CLEC16A: variants seen among roughly 807,000 people sequenced by gnomAD.
CLEC16A encodes the protein C-type lectin domain containing 16A.
CLEC16A carries 51 observed loss-of-function variants against 109.5 expected under a neutral mutation model. The ratio of observed to expected loss-of-function variants is 0.47; its 90% CI spans 0.37 to 0.59. The LOEUF (loss-of-function observed/expected upper bound fraction) is 0.59. Among genes scored for constraint, CLEC16A ranks in the 20% least tolerant of loss-of-function variants. The pLI is 0.00. For synonymous variants in CLEC16A, 673 were observed against 564.2 expected (o/e 1.19, Z -2.73); for missense variants, 1,339 against 1,394.0 (o/e 0.96, Z 0.63).
rs2068666528 is a variant in CLEC16A at position 11,174,545 on chromosome 16, A to G, written c.2807-3790A>G. Among the ~76,000 whole-genome samples the G allele has an allele frequency of 6.6e-6, 1 of 152,194 alleles. No homozygotes were observed. Among genetic ancestry groups the G allele is most frequent in the Non-Finnish European group, 1.5e-5 (1 of 68,046 alleles). On this transcript the variant is annotated intron_variant, in intron 23 of 23. Transcript: ENST00000409790. The surrounding 1 kb of genome is among the most constrained non-coding windows in gnomAD (Gnocchi z 4.7). ...CAGTCCTTCTGAGCCAGACCTGTAC[A>G]GCCTGGAAACGCTGTCCTTCTCTGT... is the stretch of plus-strand genomic sequence containing the variant.
At chr16:10,971,608 CT>C in intron 5 of CLEC16A, 2 of 790,436 alleles carry the variant, frequency 2.5e-6, no homozygotes, top group South Asian at 5.8e-5. Context: ...GGTAATTTGA[CT>C]TTTAAGTAAT....
intron 19 of CLEC16A, among the ~76,000 whole-genome samples, chr16:11,064,375 G>A (rs2160042): frequency 0.14 from 20,641 of 152,210 alleles, 1,407 homozygotes; most frequent in African/African-American, 0.15. Context: ...GCTGCCGCCC[G>A]GGTCTTGTTG....
intron 10 of CLEC16A, among the ~76,000 whole-genome samples, chr16:11,002,436 A>G (rs1437903317): frequency 3.9e-5 from 6 of 152,220 alleles, no homozygotes; most frequent in Non-Finnish European, 8.8e-5. Flanking sequence ...GATGTTAATA[A>G]TGGGCATAAT....
At chr16:10,984,590 G>C (rs2043515452) in intron 10 of CLEC16A, among the ~76,000 whole-genome samples, 1 of 152,226 alleles carries the variant, frequency 6.6e-6, no homozygotes, top group Non-Finnish European at 1.5e-5. Flanking sequence ...TTTGGTGAGA[G>C]GCTTTGGCCT....
At chr16:11,043,301 T>A (rs1597175016) in intron 15 of CLEC16A, among the ~76,000 whole-genome samples, 1 of 152,098 alleles carries the variant, frequency 6.6e-6, no homozygotes, top group Non-Finnish European at 1.5e-5. Context: ...CCCCAGCTAC[T>A]CAGAAGGCTG....
At chr16:11,082,558 T>C (rs2049783749) in intron 19 of CLEC16A, among the ~76,000 whole-genome samples, 1 of 152,180 alleles carries the variant, frequency 6.6e-6, no homozygotes, top group Non-Finnish European at 1.5e-5. Flanking sequence ...GAATTGGGAA[T>C]GAGTGGTGTG....
chr16:10,977,891 A>T (rs1261186129), intron 8 of CLEC16A, among the ~76,000 whole-genome samples: 2 of 151,752 alleles, frequency 1.3e-5, no homozygotes, highest in Non-Finnish European at 2.9e-5. Context: ...ACAGAGACAG[A>T]GTGTGTGTGT....
intron 22 of CLEC16A, among the ~76,000 whole-genome samples, chr16:11,164,693 C>T (rs566956593): frequency 3.9e-5 from 6 of 152,356 alleles, no homozygotes; most frequent in African/African-American, 9.6e-5. Flanking sequence ...CTCAACTCTG[C>T]CGCTGATCGA....
chr16:11,008,055 C>G (rs1420251805), intron 11 of CLEC16A, among the ~76,000 whole-genome samples: 1 of 152,172 alleles, frequency 6.6e-6, no homozygotes, highest in African/African-American at 2.4e-5. Flanking sequence ...GCCCCCAGTA[C>G]TTAGAGCACT....
intron 22 of CLEC16A, among the ~76,000 whole-genome samples, chr16:11,141,008 G>A (rs977329063): frequency 7.2e-5 from 11 of 152,174 alleles, no homozygotes; most frequent in African/African-American, 2.7e-4. Flanking sequence ...GTGTCATAAT[G>A]GCCACTGCTG....
chr16:11,128,433 T>C (rs1339412485), intron 22 of CLEC16A, among the ~76,000 whole-genome samples: 1 of 152,102 alleles, frequency 6.6e-6, no homozygotes, highest in Non-Finnish European at 1.5e-5. Flanking sequence ...GGTCCCAGGG[T>C]CAGCAAGTGT....
intron 22 of CLEC16A, among the ~76,000 whole-genome samples, chr16:11,144,847 C>T (rs958705656): frequency 5.3e-5 from 8 of 152,112 alleles, no homozygotes; most frequent in African/African-American, 1.9e-4. Flanking sequence ...GAGGCCAATT[C>T]CACAAAGCTT....
intron 23 of CLEC16A, among the ~76,000 whole-genome samples, chr16:11,168,090 C>G (rs891807971): frequency 6.6e-6 from 1 of 152,194 alleles, no homozygotes; most frequent in Admixed American, 6.5e-5. Context: ...CCATATACTT[C>G]TTTGCCTAAA....
At chr16:11,150,206 C>T (rs2054240204) in intron 22 of CLEC16A, 1 of 152,172 alleles carries the variant, frequency 6.6e-6, no homozygotes, top group Admixed American at 6.5e-5. Context: ...CCTAAAGATT[C>T]TAAATTCCAA....
chr16:11,075,394 GTGTGTGTGTGTGTGTGTC>G (rs1436619135), intron 19 of CLEC16A, among the ~76,000 whole-genome samples: 3 of 132,262 alleles, frequency 2.3e-5, no homozygotes, highest in East Asian at 2.1e-4. Context: ...GTGTGTGTGT[GTGTGTGTGTGTGTGTGTC>G]TGTGTGTGTG....
intron 13 of CLEC16A, among the ~76,000 whole-genome samples, chr16:11,028,577 T>G (rs1485661399): frequency 6.6e-6 from 1 of 152,034 alleles, no homozygotes; most frequent in African/African-American, 2.4e-5. Flanking sequence ...AATTATTGAT[T>G]TTAATCATCG....
chr16:10,982,662 C>G (rs1227044325), intron 9 of CLEC16A, among the ~76,000 whole-genome samples: 1 of 152,202 alleles, frequency 6.6e-6, no homozygotes, highest in Non-Finnish European at 1.5e-5. Flanking sequence ...GGAAGAGCAG[C>G]CAGCCAAATA....
intron 10 of CLEC16A, among the ~76,000 whole-genome samples, chr16:10,990,221 A>C (rs184154112): frequency 2.0e-5 from 3 of 152,228 alleles, no homozygotes; most frequent in Non-Finnish European, 2.9e-5. Flanking sequence ...ATTGAGGTCT[A>C]TCCCCTAATC....
chr16:11,131,302 A>T (rs2053193329), intron 22 of CLEC16A, among the ~76,000 whole-genome samples: 1 of 152,224 alleles, frequency 6.6e-6, no homozygotes, highest in South Asian at 2.1e-4. Flanking sequence ...CATGATGGGC[A>T]GGGTGTCCAA....
Sources: allele counts gnomAD v4.1 joint callset (sites outside exome capture counted in the v4.1 genomes callset), GRCh38; gene constraint gnomAD v4.1.1; non-coding constraint Gnocchi (gnomAD v3.1); transcripts MANE v1.5; gene names NCBI Gene and HGNC (gene_info 2026-07-23, HGNC 2026-07-21).